Variants in PLXDC1 observed in about 807,000 individuals in gnomAD.
The protein encoded by PLXDC1 is plexin domain containing 1.
Under a neutral mutation model 61.3 loss-of-function variants are expected in PLXDC1, and 39 were observed. That is an observed-to-expected ratio of 0.64 (90% CI 0.49 to 0.83). PLXDC1 has a LOEUF of 0.83. PLXDC1 is among the 40% of genes least tolerant of loss of function. PLXDC1 has a pLI of 0.00. For missense variants in PLXDC1, 596 were observed against 666.5 expected, an observed-to-expected ratio of 0.89 and a Z score of 1.17; for synonymous variants, 212 against 254.5, an observed-to-expected ratio of 0.83 and a Z score of 1.59.
At chr17:39,112,101 CAA>C (rs1227654611) in intron 2 of PLXDC1, 1 of 152,204 alleles carries the variant, frequency 6.6e-6, no homozygotes, top group Non-Finnish European at 1.5e-5. Flanking sequence ...CATCAAGAAA[CAA>C]AGCTCCGTGC....
At chr17:39,150,483 G>T (rs905051215) in intron 1 of PLXDC1, among the ~76,000 whole-genome samples, 2 of 152,158 alleles carry the variant, frequency 1.3e-5, no homozygotes, top group Non-Finnish European at 2.9e-5. Flanking sequence ...CTGCTGAGGG[G>T]CCAGGCTGCA....
chr17:39,111,474 G>A (rs974671371), intron 2 of PLXDC1, among the ~76,000 whole-genome samples: 2 of 152,106 alleles, frequency 1.3e-5, no homozygotes, highest in Admixed American at 6.5e-5. Context: ...TAGTGGAGAC[G>A]GGGTTTTACC....
chr17:39,141,232 T>C (rs1911925102), intron 1 of PLXDC1, among the ~76,000 whole-genome samples: 1 of 152,186 alleles, frequency 6.6e-6, no homozygotes, highest in Non-Finnish European at 1.5e-5. Context: ...GTCTCACTAT[T>C]TTGTTCAGGG....
At chr17:39,150,076 A>G (rs2045363428) in intron 1 of PLXDC1, among the ~76,000 whole-genome samples, 1 of 152,170 alleles carries the variant, frequency 6.6e-6, no homozygotes, top group African/African-American at 2.4e-5. Flanking sequence ...CCAGAGAGAG[A>G]AAGTAACTTG....
At chr17:39,077,838 A>T in intron 11 of PLXDC1, 75 bp downstream of exon 11, 1 of 1,460,104 alleles carries the variant, frequency 6.8e-7, no homozygotes, top group Non-Finnish European at 9.5e-7. Context: ...TCAGGGACAG[A>T]GAGGGGGCCC....
At chr17:39,087,189 C>T (rs891616332) in intron 8 of PLXDC1, among the ~76,000 whole-genome samples, 43 of 152,170 alleles carry the variant, frequency 2.8e-4, no homozygotes, top group African/African-American at 1.0e-3. Context: ...GCCTGTGGAC[C>T]GCAGCATCAC....
chr17:39,078,014 T>C lies in PLXDC1; in HGVS notation c.1085A>G (p.Glu362Gly). The C allele has an allele frequency of 1.2e-6, 2 of 1,612,528 alleles. No homozygotes were observed. Among genetic ancestry groups the C allele is most frequent in the South Asian group, 2.2e-5 (2 of 90,844 alleles). The stretch of plus-strand genomic sequence containing the variant: ...GTCAGGGGAGGCTGAGTCGTGGTCC[T>C]CATCCTGGAAGTCCTCGCACATCCT... ...EGRMCEDFQD[E>G]DHDSASPDTS... Residue 362 changes from glutamate (E) to glycine (G), a missense_variant, in exon 11 of 14, where the codon GAG becomes GGG. Coordinates refer to ENST00000315392, the MANE Select transcript of PLXDC1 (RefSeq NM_020405.5).
At chr17:39,140,503 C>T (rs1272495130) in intron 1 of PLXDC1, among the ~76,000 whole-genome samples, 1 of 152,180 alleles carries the variant, frequency 6.6e-6, no homozygotes, top group Non-Finnish European at 1.5e-5. Flanking sequence ...GACGAGGTTT[C>T]ACCGTGTTAG....
chr17:39,092,228 T>C (rs1909982313), intron 7 of PLXDC1, among the ~76,000 whole-genome samples: 1 of 151,792 alleles, frequency 6.6e-6, no homozygotes, highest in Middle Eastern at 3.4e-3. Context: ...GCACACCCCA[T>C]CATGCCTGGC....
chr17:39,101,646 C>A (rs1005428712), intron 7 of PLXDC1, among the ~76,000 whole-genome samples: 1 of 152,144 alleles, frequency 6.6e-6, no homozygotes, highest in African/African-American at 2.4e-5. Context: ...TAGCAGTGGG[C>A]GCTTTGCCCT....
Position 39,066,602 on chromosome 17 carries a change from T to C in PLXDC1, c.*1238A>G, listed in dbSNP as rs1908907338. 6.6e-6 allele frequency: 1 copy of C among 152,244 alleles called. No homozygotes were observed. The highest frequency in any genetic ancestry group is 1.5e-5 in the Non-Finnish European group (1 of 68,120). 9.4% of individuals were successfully genotyped at this position (152,244 alleles called of 1,614,324 possible). A position where few individuals can be genotyped will look rare whatever the true frequency, so the allele number is the denominator to read the frequency against. ...GAGGATCTGCTTTCTTTTTTTTTTTTTGAGACGGAGTCTCGCTCTGTCACC... is the reference window on the plus strand; with the variant it reads ...GAGGATCTGCTTTCTTTTTTTTTTTCTGAGACGGAGTCTCGCTCTGTCACC... On this transcript the variant is annotated 3_prime_UTR_variant, in exon 14 of 14. Transcript: ENST00000315392.
chr17:39,068,756 C>T (rs1165276597), intron 13 of PLXDC1, among the ~76,000 whole-genome samples: 4 of 152,194 alleles, frequency 2.6e-5, no homozygotes, highest in Non-Finnish European at 5.9e-5. Flanking sequence ...CTGCAGTTCC[C>T]AGGTGTTACC....
Position 39,091,891 on chromosome 17 carries a change from G to A in PLXDC1, c.812-4189C>T, listed in dbSNP as rs555549083. ...GGAGAATTGCTTGAACCCGGGAGGTGGAGGCTGCAGTGAGCTGAGACTGCA... is the reference window on the plus strand; with the variant it reads ...GGAGAATTGCTTGAACCCGGGAGGTAGAGGCTGCAGTGAGCTGAGACTGCA... On this transcript the variant is annotated intron_variant, in intron 7 of 13. Transcript: ENST00000315392. 6.0e-4 allele frequency among the ~76,000 whole-genome samples: 90 copies of A among 151,106 alleles called. 1 individual carries two copies. The highest frequency in any genetic ancestry group is 9.4e-4 in the Non-Finnish European group (64 of 67,760).
At chr17:39,072,612 A>C (rs1338974393) in intron 11 of PLXDC1, 127 bp from the exon 12 acceptor site, 16 of 706,174 alleles carry the variant, frequency 2.3e-5, no homozygotes, top group Non-Finnish European at 3.6e-5. Context: ...TGAGGCTCAG[A>C]GAGGGGAGGA....
chr17:39,123,212 C>T (rs567304954), intron 2 of PLXDC1, among the ~76,000 whole-genome samples: 9 of 152,066 alleles, frequency 5.9e-5, no homozygotes, highest in South Asian at 2.1e-4. Flanking sequence ...TTTTTTGAGA[C>T]GGAGTTTCAC....
At chr17:39,152,448 T>C, upstream of PLXDC1, 1 of 1,068,988 alleles carries the variant, frequency 9.4e-7, no homozygotes, top group South Asian at 4.7e-5. Flanking sequence ...TATTTTTTCT[T>C]CCAGGACAGA....
rs981782590 is a variant in PLXDC1, at chr17:39,107,158, T to C, written c.711+249A>G. ...CAAGGTTAAGAGGTCTGTGAAAGGCTCAGCTAGCACCAGGCACCTCTACTT... is the reference window on the plus strand; with the variant it reads ...CAAGGTTAAGAGGTCTGTGAAAGGCCCAGCTAGCACCAGGCACCTCTACTT... On this transcript the variant is annotated intron_variant, in intron 6 of 13. Transcript: ENST00000315392. Among the ~76,000 whole-genome samples, 3 of 152,206 alleles carry C rather than the reference T, an allele frequency of 2.0e-5. No individual in the cohort carries two copies. The East Asian group carries it at 5.8e-4, about 29-fold the overall frequency.
At chr17:39,139,628 C>G in intron 2 of PLXDC1, 26 bp downstream of exon 2, 5 of 1,577,070 alleles carry the variant, frequency 3.2e-6, no homozygotes, top group Non-Finnish European at 4.3e-6. Flanking sequence ...CACTTCGCTC[C>G]CCCTCCATGT....
At chr17:39,090,598 G>T (rs548142598) in intron 7 of PLXDC1, among the ~76,000 whole-genome samples, 2 of 152,104 alleles carry the variant, frequency 1.3e-5, no homozygotes, top group Admixed American at 6.5e-5. Context: ...TCAGTGAGCC[G>T]CATCCACACA....
Sources: gnomAD v4.1 joint callset for allele counts (sites outside exome capture counted in the v4.1 genomes callset) on GRCh38, gnomAD v4.1.1 for gene constraint, MANE v1.5 for transcripts, NCBI Gene and HGNC (gene_info 2026-07-23, HGNC 2026-07-21) for gene names.